Variants in OPCML observed in about 807,000 individuals in gnomAD.
The protein encoded by OPCML is opioid-binding protein/cell adhesion molecule.
A neutral mutation model predicts 37.8 loss-of-function variants in OPCML; 13 were observed. That is an observed-to-expected ratio of 0.34 (90% CI 0.22 to 0.55). The LOEUF (loss-of-function observed/expected upper bound fraction) is 0.55. Ranked by LOEUF, OPCML falls within the 20% of genes least tolerant of loss-of-function variation. The pLI, the probability that OPCML is intolerant of heterozygous loss-of-function variation, is 0.91. For synonymous variants in OPCML, 176 were observed against 168.8 expected (o/e 1.04, Z -0.33); for missense variants, 341 against 435.6 (o/e 0.78, Z 1.93).
intron 1 of OPCML, among the ~76,000 whole-genome samples, chr11:133,428,063 T>C (rs550398819): frequency 1.2e-4 from 18 of 152,294 alleles, no homozygotes; most frequent in Admixed American, 1.0e-3. Context: ...AAAATCCTCA[T>C]TGAAACATTA....
Position 132,688,988 on chromosome 11 carries a change from A to G in OPCML, c.147-31669T>C, listed in dbSNP as rs539260072. Among the ~76,000 whole-genome samples, 34 of 150,068 alleles carry G rather than the reference A, an allele frequency of 2.3e-4. 7 individuals carry two copies. Among genetic ancestry groups the G allele is most frequent in the African/African-American group, 8.1e-4 (33 of 40,914 alleles). ...AAAAAAAAAAAAAAAAAAAAAATAG[A>G]AAAGCTCCTTTTTGTGTATTTGAGA... On this transcript the variant is annotated intron_variant, in intron 2 of 7. Transcript: ENST00000524381.
intron 2 of OPCML, among the ~76,000 whole-genome samples, chr11:132,703,654 G>A (rs888978691): frequency 6.6e-6 from 1 of 152,182 alleles, no homozygotes; most frequent in South Asian, 2.1e-4. Flanking sequence ...GAGCAAGCAG[G>A]CCTAGAGAGA....
At chr11:132,801,144 T>A (rs182263097) in intron 2 of OPCML, among the ~76,000 whole-genome samples, 17 of 152,346 alleles carry the variant, frequency 1.1e-4, no homozygotes, top group African/African-American at 3.8e-4. Flanking sequence ...TCTGGGAATT[T>A]GCCCATTTAA....
chr11:133,405,206 C>G (rs535230841), intron 1 of OPCML, among the ~76,000 whole-genome samples: 2 of 152,242 alleles, frequency 1.3e-5, no homozygotes, highest in South Asian at 4.1e-4. Context: ...CCAGGAGAAC[C>G]TAGGGAGACC....
At chr11:132,858,218 G>A (rs1293364533) in intron 2 of OPCML, among the ~76,000 whole-genome samples, 4 of 152,166 alleles carry the variant, frequency 2.6e-5, no homozygotes, top group African/African-American at 9.7e-5. Context: ...CAGCTCTCAG[G>A]CTCTGGGGTT....
At chr11:132,906,257 T>A (rs1944237840) in intron 2 of OPCML, among the ~76,000 whole-genome samples, 1 of 152,230 alleles carries the variant, frequency 6.6e-6, no homozygotes, top group East Asian at 1.9e-4. Flanking sequence ...CAGGTTCTCA[T>A]CAGAATGCTT....
At chr11:132,541,400 A>C (rs2096356068) in intron 3 of OPCML, among the ~76,000 whole-genome samples, 1 of 152,196 alleles carries the variant, frequency 6.6e-6, no homozygotes, top group Non-Finnish European at 1.5e-5. Context: ...AGTGATCATA[A>C]GTAACTTATA....
intron 1 of OPCML, among the ~76,000 whole-genome samples, chr11:133,314,116 T>C (rs1943139045): frequency 6.7e-6 from 1 of 149,774 alleles, no homozygotes; most frequent in African/African-American, 2.5e-5. Context: ...GCGCCTGTAG[T>C]CCCAGCTACT....
intron 1 of OPCML, among the ~76,000 whole-genome samples, chr11:133,314,015 C>A (rs1427022887): frequency 6.6e-6 from 1 of 151,758 alleles, no homozygotes; most frequent in Non-Finnish European, 1.5e-5. Context: ...GCGGGCGGAT[C>A]ACGAGGTCAG....
chr11:132,785,846 C>T (rs1227774146), intron 2 of OPCML, among the ~76,000 whole-genome samples: 1 of 152,160 alleles, frequency 6.6e-6, no homozygotes, highest in African/African-American at 2.4e-5. Context: ...TCTAAATTTT[C>T]CAGATATCCA....
intron 2 of OPCML, among the ~76,000 whole-genome samples, chr11:132,871,529 G>T (rs996141313): frequency 6.6e-6 from 1 of 152,220 alleles, no homozygotes; most frequent in Non-Finnish European, 1.5e-5. Flanking sequence ...AGAGACTTGA[G>T]CATTCCTGGA....
At chr11:133,256,888 C>G (rs1281477835) in intron 1 of OPCML, among the ~76,000 whole-genome samples, 1 of 152,196 alleles carries the variant, frequency 6.6e-6, no homozygotes, top group African/African-American at 2.4e-5. Context: ...GGTAAATTCT[C>G]TTAACTGGTA....
At chr11:132,542,763 C>T (rs1192024448) in intron 3 of OPCML, among the ~76,000 whole-genome samples, 1 of 152,144 alleles carries the variant, frequency 6.6e-6, no homozygotes. Context: ...TGGGATGCAG[C>T]CTCACCCTCA....
intron 2 of OPCML, among the ~76,000 whole-genome samples, chr11:132,735,162 G>T (rs1423490853): frequency 6.6e-6 from 1 of 152,162 alleles, no homozygotes; most frequent in African/African-American, 2.4e-5. Context: ...TCTAGATGGT[G>T]CTTGATAGTA....
chr11:132,999,582 C>T (rs1480117961), intron 1 of OPCML, among the ~76,000 whole-genome samples: 1 of 150,014 alleles, frequency 6.7e-6, no homozygotes, highest in Non-Finnish European at 1.5e-5. Context: ...GGGGGGAATG[C>T]CACCGGTAAT....
chr11:132,838,065 G>C (rs1338068631), intron 2 of OPCML, among the ~76,000 whole-genome samples: 1 of 152,086 alleles, frequency 6.6e-6, no homozygotes, highest in African/African-American at 2.4e-5. Context: ...CTACTAATTT[G>C]TATACATGCT....
intron 3 of OPCML, among the ~76,000 whole-genome samples, chr11:132,600,900 T>G (rs1463057854): frequency 6.9e-6 from 1 of 144,950 alleles, no homozygotes; most frequent in Non-Finnish European, 1.5e-5. Flanking sequence ...TAGGCTGGAC[T>G]TGAACTCTTG....
intron 1 of OPCML, among the ~76,000 whole-genome samples, chr11:133,230,291 G>A (rs1940221094): frequency 6.6e-6 from 1 of 152,180 alleles, no homozygotes; most frequent in South Asian, 2.1e-4. Context: ...ATGCTGGTGG[G>A]GCTCATGGGC....
chr11:133,492,466 C>T (rs935062410), intron 1 of OPCML, among the ~76,000 whole-genome samples: 16 of 152,194 alleles, frequency 1.1e-4, no homozygotes, highest in Non-Finnish European at 2.2e-4. Context: ...ACCCAAACGT[C>T]ATGAAGATTT....
Sources: gnomAD v4.1 joint callset for allele counts (sites outside exome capture counted in the v4.1 genomes callset) on GRCh38, gnomAD v4.1.1 for gene constraint, MANE v1.5 for transcripts, NCBI Gene and HGNC (gene_info 2026-07-23, HGNC 2026-07-21) for gene names.